The following USB1 variants were observed in gnomAD, a reference collection of about 807,000 sequenced individuals.
USB1 encodes the protein U6 snRNA biogenesis phosphodiesterase 1, also known as U6 snRNA phosphodiesterase 1.
In USB1, 21 loss-of-function variants were observed where a neutral mutation model predicts 29.9. The observed-to-expected ratio is 0.70, with a 90% CI of 0.50 to 1.01. The LOEUF (loss-of-function observed/expected upper bound fraction) is 1.01, where lower values mean the gene tolerates loss of function less well. Among genes scored for constraint, USB1 ranks in the 50% least tolerant of loss-of-function variants. The probability of loss-of-function intolerance (pLI) is 0.00; values close to 1 mark genes in which losing one functional copy is unlikely to be tolerated. For missense variants in USB1, 330 were observed against 347.1 expected, an observed-to-expected ratio of 0.95 and a Z score of 0.39; for synonymous variants, 143 against 134.9, an observed-to-expected ratio of 1.06 and a Z score of -0.42.
chr16:58,012,390 T>A (rs1431496951), intron 3 of USB1: 1 of 1,465,996 alleles, frequency 6.8e-7, no homozygotes, highest in Non-Finnish European at 9.2e-7. Context: ...TAGGCTGGTA[T>A]AACTAAAAGA....
intron 2 of USB1, 135 bp from the exon 3 acceptor site, chr16:58,009,794 C>G: frequency 1.3e-6 from 1 of 789,856 alleles, no homozygotes; most frequent in Non-Finnish European, 2.2e-6. Flanking sequence ...AAGACATAGA[C>G]ATAGGCTGCT....
Position 58,001,471 on chromosome 16 carries a change from T to G in USB1, c.-13T>G. 6.3e-7 allele frequency: 1 copy of G among 1,591,622 alleles called. No homozygotes were observed. Among genetic ancestry groups the G allele is most frequent in the East Asian group, 2.3e-5 (1 of 43,474 alleles). On this transcript the variant is annotated 5_prime_UTR_variant, in exon 1 of 7. Coordinates refer to ENST00000219281, the MANE Select transcript of USB1 (RefSeq NM_024598.4). ...GCTGGTGGACCTGCTCTGGTGGTCT[T>G]GGATGAGGCCCCATGAGCGCGGCGC...
chr16:58,014,756 C>T (rs1007760068), intron 4 of USB1, among the ~76,000 whole-genome samples: 6 of 152,132 alleles, frequency 3.9e-5, no homozygotes, highest in African/African-American at 1.4e-4. Flanking sequence ...GCACTCCAGC[C>T]TGGGCAACAG....
At chr16:58,004,114 T>C (rs1454640988) in intron 2 of USB1, among the ~76,000 whole-genome samples, 1 of 152,226 alleles carries the variant, frequency 6.6e-6, no homozygotes, top group Non-Finnish European at 1.5e-5. Context: ...CATTTTGAGT[T>C]AATTTTTGTG....
chr16:58,016,031 GT>G (rs1963607161), intron 4 of USB1: 1 of 152,804 alleles, frequency 6.5e-6, no homozygotes, highest in South Asian at 2.1e-4. Flanking sequence ...CTGGCTAGTG[GT>G]GTGTCTGTGG....
chr16:58,003,283 C>T (rs532149381), intron 2 of USB1, among the ~76,000 whole-genome samples: 2 of 152,122 alleles, frequency 1.3e-5, no homozygotes, highest in Non-Finnish European at 2.9e-5. Flanking sequence ...AAAAATTAGC[C>T]AGGTGTGGTG....
Position 58,010,035 on chromosome 16 carries a change from C to T in USB1, c.372C>T (p.Ser124=), listed in dbSNP as rs1477947578. The T allele has an allele frequency of 6.2e-7, 1 of 1,614,122 alleles. No homozygotes were observed. The highest frequency in any genetic ancestry group is 8.5e-7 in the Non-Finnish European group (1 of 1,180,012). Residue 124 remains serine (S), a synonymous_variant, in exon 3 of 7, where the codon TCC becomes TCT. Transcript: ENST00000219281. The part of the protein sequence containing the change: ...VRMKVFHLSL[S]QSVVLRHHWI... ...TGAAGGTGTTCCACCTCAGCCTGTC[C>T]CAGAGTGTGGTTCTGCGCCACCACT...
intron 2 of USB1, among the ~76,000 whole-genome samples, 180 bp from the exon 3 acceptor site, chr16:58,009,749 A>T (rs1963446280): frequency 1.3e-5 from 2 of 151,406 alleles, no homozygotes; most frequent in South Asian, 4.1e-4. Flanking sequence ...AATAATAAAT[A>T]AATAAATAAA....
chr16:58,019,825 C>T (rs1289378157), intron 6 of USB1, among the ~76,000 whole-genome samples: 1 of 152,206 alleles, frequency 6.6e-6, no homozygotes, highest in Admixed American at 6.5e-5. Flanking sequence ...AGCCACCTTG[C>T]GCTTGGCCTG....
rs1430454821 is a variant in USB1 at position 58,020,602 on chromosome 16, CT to C, written c.*358del. 2.1e-5 allele frequency: 7 copies of C among 334,174 alleles called. No homozygotes were observed. Among genetic ancestry groups the C allele is most frequent in the Non-Finnish European group, 2.8e-5 (5 of 176,610 alleles). The allele number at this position is 334,174 out of a possible 1,614,324, so 20.7% of individuals were successfully genotyped here. ...CTCTCTTCCTCTCCTCTCTCTACCC[CT>C]CCTGTCTCTCCTCCCCTCCTCTCTC... is the stretch of plus-strand genomic sequence containing the variant. On this transcript the variant is annotated 3_prime_UTR_variant, in exon 7 of 7. Coordinates refer to ENST00000219281, the MANE Select transcript of USB1 (RefSeq NM_024598.4).
At position 58,017,412 on chromosome 16, in the gene USB1, G is replaced by A; in HGVS notation, c.582G>A (p.Glu194=). The A allele has an allele frequency of 6.2e-7, 1 of 1,614,208 alleles. No homozygotes were observed. ...DLVSEVDRVM[E]EFNLTTFYQD... is the part of the protein sequence containing the mutation. The stretch of plus-strand genomic sequence containing the variant: ...TTTCAGAGGTGGACAGAGTCATGGA[G>A]GAATTCAACCTCACCACTTTCTACC... The change falls in exon 5 of 7, where the codon GAG becomes GAA. Residue 194 remains glutamate (E), a synonymous_variant. Transcript: ENST00000219281.
intron 2 of USB1, among the ~76,000 whole-genome samples, chr16:58,006,223 A>G (rs905632955): frequency 1.3e-5 from 2 of 151,862 alleles, no homozygotes; most frequent in Non-Finnish European, 2.9e-5. Flanking sequence ...GTGGTGGGAC[A>G]TGCCTGTAGT....
Position 58,017,357 on chromosome 16 carries a change from C to A in USB1, c.527C>A (p.Thr176Asn). 1 of 1,614,218 alleles carries A rather than the reference C, an allele frequency of 6.2e-7. No homozygotes were observed. The highest frequency in any genetic ancestry group is 8.5e-7 in the Non-Finnish European group (1 of 1,180,038). ...KTRTFIGLEV[T>N]SGHAQFLDLV... The stretch of plus-strand genomic sequence containing the variant: ...AGGACCTTTATTGGGCTTGAGGTCA[C>A]TTCAGGGCATGCCCAGTTCCTGGAC... The change falls in exon 5 of 7, where the codon ACT becomes AAT. Residue 176 changes from threonine to asparagine, a missense_variant. Physicochemically the swap from Thr to Asn is moderately conservative, Grantham distance 65. Transcript: ENST00000219281.
In USB1 at chr16:58,020,671, G is replaced by GTCTCTCTTCCCCTCCTC. The variant is rs1963721818; in HGVS notation, c.*437_*453dup. On this transcript the variant is annotated 3_prime_UTR_variant, in exon 7 of 7. Coordinates refer to ENST00000219281, the MANE Select transcript of USB1 (RefSeq NM_024598.4). The stretch of plus-strand genomic sequence containing the variant: ...TTCCTCTCCTCTCTCTTCCCTTCCT[G>GTCTCTCTTCCCCTCCTC]TCTCTCTTCCCCTCCTCTCTCTCTT... 4.7e-6 allele frequency: 1 copy of GTCTCTCTTCCCCTCCTC among 212,286 alleles called. No individual in the cohort carries two copies. The highest frequency in any genetic ancestry group is 1.2e-4 in the East Asian group (1 of 8,282). 13.2% of individuals were successfully genotyped at this position (212,286 alleles called of 1,614,324 possible). A position where few individuals can be genotyped will look rare whatever the true frequency, so the allele number is the denominator to read the frequency against.
Position 58,013,091 on chromosome 16 carries a change from C to T in USB1, c.450-1182C>T. On this transcript the variant is annotated intron_variant, in intron 3 of 6. Transcript: ENST00000219281. The surrounding 1 kb of genome is among the most constrained non-coding windows in gnomAD (Gnocchi z 4.3). ...GATCATCTGGTTGAGCCTAAGGTGACCAAGAGTGGGCGGTGCACCCCTGAT... is the reference window on the plus strand; with the variant it reads ...GATCATCTGGTTGAGCCTAAGGTGATCAAGAGTGGGCGGTGCACCCCTGAT... The T allele has an allele frequency of 1.0e-6, 1 of 985,496 alleles. No individual in the cohort carries two copies. The highest frequency in any genetic ancestry group is 1.7e-5 in the African/African-American group (1 of 57,330). The allele number at this position is 985,496 out of a possible 1,614,324, so 61.0% of individuals were successfully genotyped here. A position where few individuals can be genotyped will look rare whatever the true frequency, so the allele number is the denominator to read the frequency against.
chr16:58,001,488 G>A lies in USB1; in HGVS notation c.5G>A (p.Ser2Asn), dbSNP rs1283976146. The part of the protein sequence containing the change: M[S>N]AAPLVGYSSS... The stretch of plus-strand genomic sequence containing the variant: ...GGTGGTCTTGGATGAGGCCCCATGA[G>A]CGCGGCGCCCCTGGTGGGCTACAGC... Residue 2 changes from serine to asparagine, a missense_variant, in exon 1 of 7, where the codon AGC becomes AAC. By Grantham distance (46) the Ser-to-Asn change is conservative. Coordinates refer to ENST00000219281, the MANE Select transcript of USB1 (RefSeq NM_024598.4). 1 of 1,600,408 alleles carries A rather than the reference G, an allele frequency of 6.2e-7. No individual in the cohort carries two copies. Among genetic ancestry groups the A allele is most frequent in the East Asian group, 2.3e-5 (1 of 44,172 alleles).
At chr16:58,010,196 A>G in intron 3 of USB1, 84 bp downstream of exon 3, 1 of 1,543,192 alleles carries the variant, frequency 6.5e-7, no homozygotes, top group Non-Finnish European at 8.9e-7. Flanking sequence ...GCATTACCCC[A>G]GCAGGCAGGC....
Position 58,014,331 on chromosome 16 carries a change from GT to G in USB1, c.503+6del. The G allele has an allele frequency of 6.2e-7, 1 of 1,612,516 alleles. No individual in the cohort carries two copies. The highest frequency in any genetic ancestry group is 8.5e-7 in the Non-Finnish European group (1 of 1,178,662). ...CACCAATCAAGAGAAAACCAGGTGG[GT>G]CCTCCCAACCCCCAATCACCATCAG... On this transcript the variant is annotated splice_donor_region_variant and intron_variant, in intron 4 of 6. Transcript: ENST00000219281.
At chr16:58,005,935 A>T (rs76528483) in intron 2 of USB1, among the ~76,000 whole-genome samples, 3,655 of 152,312 alleles carry the variant, frequency 0.024, 138 homozygotes, top group African/African-American at 0.073. Context: ...GAAAGCAAAT[A>T]TACAGAAGTT....
Sources: gnomAD v4.1 joint callset for allele counts (sites outside exome capture counted in the v4.1 genomes callset) on GRCh38, gnomAD v4.1.1 for gene constraint, Gnocchi (gnomAD v3.1) non-coding constraint, MANE v1.5 for transcripts, NCBI Gene and HGNC (gene_info 2026-07-23, HGNC 2026-07-21) for gene names.